Variants in LAMA2 observed in about 807,000 individuals in gnomAD.
The protein encoded by LAMA2 is laminin subunit alpha 2.
LAMA2 carries 269 observed loss-of-function variants against 364.8 expected under a neutral mutation model. The ratio of observed to expected loss-of-function variants is 0.74; its 90% CI spans 0.67 to 0.82. The LOEUF (loss-of-function observed/expected upper bound fraction) is 0.82, where lower values mean the gene tolerates loss of function less well. Among genes scored for constraint, LAMA2 ranks in the 40% least tolerant of loss-of-function variants. The probability of loss-of-function intolerance (pLI) is 0.00; values close to 1 mark genes in which losing one functional copy is unlikely to be tolerated. For missense variants in LAMA2, 3,807 were observed against 3,873.2 expected, an observed-to-expected ratio of 0.98 and a Z score of 0.45; for synonymous variants, 1,379 against 1,370.6, an observed-to-expected ratio of 1.01 and a Z score of -0.14.
intron 12 of LAMA2, among the ~76,000 whole-genome samples, chr6:129,202,150 T>G (rs1442210813): frequency 7.9e-6 from 1 of 127,124 alleles, no homozygotes. Flanking sequence ...ATCATACCAC[T>G]GCACTCCAGC....
At position 129,514,563 on chromosome 6, in the gene LAMA2, C is replaced by T. The variant is rs748644783; in HGVS notation, c.9179C>T (p.Thr3060Ile). 6.2e-7 allele frequency: 1 copy of T among 1,614,018 alleles called. No individual in the cohort carries two copies. Among genetic ancestry groups the T allele is most frequent in the Non-Finnish European group, 8.5e-7 (1 of 1,180,018 alleles). Residue 3060 changes from threonine to isoleucine, a missense_variant, in exon 64 of 65, where the codon ACA becomes ATA. By Grantham distance (89) the Thr-to-Ile change is moderately conservative. Transcript: ENST00000421865. Reference sequence around the variant, plus strand: ...AACCCAGCATCTACATCAGCTGACACAAATGACCCTGTGTTTGTTGGAGGC... The same window carrying T: ...AACCCAGCATCTACATCAGCTGACATAAATGACCCTGTGTTTGTTGGAGGC... ...SPNPASTSAD[T>I]NDPVFVGGFP...
At chr6:129,382,357 T>C (rs1439966534) in intron 34 of LAMA2, among the ~76,000 whole-genome samples, 1 of 152,216 alleles carries the variant, frequency 6.6e-6, no homozygotes, top group East Asian at 1.9e-4. Flanking sequence ...CTAAATATGG[T>C]ATATTTTAAC....
At chr6:129,024,272 A>C (rs1423821006) in intron 1 of LAMA2, among the ~76,000 whole-genome samples, 1 of 151,832 alleles carries the variant, frequency 6.6e-6, no homozygotes, top group African/African-American at 2.4e-5. Context: ...GTTAAAAAAA[A>C]AAGTAGGAAG....
At chr6:128,973,564 C>T (rs1021208253) in intron 1 of LAMA2, among the ~76,000 whole-genome samples, 3 of 152,110 alleles carry the variant, frequency 2.0e-5, no homozygotes, top group Non-Finnish European at 4.4e-5. Context: ...TTTTTAAATA[C>T]TTCTTTCAGC....
At chr6:129,389,266 C>T (rs1437535605) in intron 35 of LAMA2, among the ~76,000 whole-genome samples, 4 of 152,188 alleles carry the variant, frequency 2.6e-5, no homozygotes, top group Admixed American at 1.3e-4. Context: ...GCTAATTAAA[C>T]CATGGCTGTC....
At chr6:129,192,032 G>A (rs1781548009) in intron 11 of LAMA2, among the ~76,000 whole-genome samples, 1 of 152,178 alleles carries the variant, frequency 6.6e-6, no homozygotes, top group African/African-American at 2.4e-5. Context: ...TAGGCTGTAG[G>A]TCCCCACAGC....
chr6:129,295,797 A>ATT (rs1223932649), intron 20 of LAMA2, among the ~76,000 whole-genome samples: 2 of 26,470 alleles, frequency 7.6e-5, no homozygotes, highest in African/African-American at 2.7e-4. Flanking sequence ...ATGTATATAT[A>ATT]TATGAGTGTG....
chr6:129,323,638 A>C (rs2114520691), intron 28 of LAMA2, among the ~76,000 whole-genome samples: 1 of 152,304 alleles, frequency 6.6e-6, no homozygotes, highest in East Asian at 1.9e-4. Flanking sequence ...CCTGTCTTTG[A>C]GTGACATTAA....
At chr6:129,151,128 G>A (rs563972693) in intron 7 of LAMA2, among the ~76,000 whole-genome samples, 26 of 152,270 alleles carry the variant, frequency 1.7e-4, no homozygotes, top group African/African-American at 5.8e-4. Context: ...TATTCTTGAA[G>A]GTTACAGACA....
At position 129,285,419 on chromosome 6, in the gene LAMA2, A is replaced by G. The variant is rs960640352; in HGVS notation, c.2538-2428A>G. Among the ~76,000 whole-genome samples the G allele has an allele frequency of 2.6e-5, 4 of 152,146 alleles. No individual in the cohort carries two copies. In the East Asian group the frequency reaches 7.7e-4, roughly 29 times the overall value. ...GCTTCTTTAGTTATTCTATTTAATT[A>G]TAGTTATTTTCCTCCTGAAATGAGT... On this transcript the variant is annotated intron_variant, in intron 18 of 64. Coordinates refer to ENST00000421865, the MANE Select transcript of LAMA2 (RefSeq NM_000426.4).
chr6:129,387,294 CAT>C (rs1195214425), intron 35 of LAMA2, among the ~76,000 whole-genome samples: 1 of 152,206 alleles, frequency 6.6e-6, no homozygotes, highest in Non-Finnish European at 1.5e-5. Context: ...AGCCAACAAA[CAT>C]ATGAAAAAAG....
At chr6:129,129,931 A>C (rs1366018374) in intron 4 of LAMA2, among the ~76,000 whole-genome samples, 3 of 151,638 alleles carry the variant, frequency 2.0e-5, no homozygotes, top group Non-Finnish European at 4.4e-5. Flanking sequence ...CTCAAAAAAA[A>C]AAAAAAAAAA....
chr6:129,059,652 T>G (rs1788746816), intron 2 of LAMA2, 132 bp from the exon 3 acceptor site: 1 of 669,460 alleles, frequency 1.5e-6, no homozygotes, highest in Non-Finnish European at 2.7e-6. Context: ...TTACTCTCCT[T>G]CTGTATTATT....
At chr6:129,514,315 C>A (rs117674608) in intron 63 of LAMA2, 58 bp from the exon 64 acceptor site, 7 of 1,191,730 alleles carry the variant, frequency 5.9e-6, no homozygotes, top group Non-Finnish European at 8.7e-6. Context: ...TATGTGTGAA[C>A]CATCATGATA....
chr6:129,438,804 A>C (rs2114761358), intron 42 of LAMA2, 42 bp downstream of exon 42: 1 of 983,626 alleles, frequency 1.0e-6, no homozygotes, highest in Middle Eastern at 2.1e-4. Context: ...GTTGACCTGA[A>C]GTTTTGAAGA....
intron 14 of LAMA2, among the ~76,000 whole-genome samples, chr6:129,256,808 G>GA (rs1786725885): frequency 1.9e-5 from 2 of 103,082 alleles, no homozygotes; most frequent in Admixed American, 1.0e-4. Context: ...ATAGTGGGTA[G>GA]AAAAAAGACA....
chr6:129,314,578 C>T, intron 23 of LAMA2, 77 bp from the exon 24 acceptor site: 1 of 1,346,078 alleles, frequency 7.4e-7, no homozygotes, highest in Non-Finnish European at 1.1e-6. Flanking sequence ...AGAGTATGCT[C>T]CCGTTATGCA....
chr6:129,264,070 T>C (rs1269069326), intron 15 of LAMA2, among the ~76,000 whole-genome samples: 1 of 152,078 alleles, frequency 6.6e-6, no homozygotes, highest in African/African-American at 2.4e-5. Context: ...GAAGAAGGCA[T>C]TATGGCTACA....
intron 8 of LAMA2, among the ~76,000 whole-genome samples, chr6:129,154,950 G>A (rs142382609): frequency 2.2e-3 from 337 of 152,236 alleles, no homozygotes; most frequent in African/African-American, 7.8e-3. Context: ...TTTTTAGAAC[G>A]TAAATTAGTT....
Sources: allele counts gnomAD v4.1 joint callset (sites outside exome capture counted in the v4.1 genomes callset), GRCh38; gene constraint gnomAD v4.1.1; transcripts MANE v1.5; gene names NCBI Gene and HGNC (gene_info 2026-07-23, HGNC 2026-07-21).